Variants in COL27A1 observed in about 807,000 individuals in gnomAD.
COL27A1 encodes collagen type XXVII alpha 1 chain, also known as collagen alpha-1(XXVII) chain.
A neutral mutation model predicts 251.3 loss-of-function variants in COL27A1; 106 were observed. The observed-to-expected ratio is 0.42, with a 90% CI of 0.36 to 0.50. COL27A1 has a LOEUF of 0.50. COL27A1 is among the 20% of genes least tolerant of loss of function. The pLI is 0.00. For synonymous variants in COL27A1, 1,000 were observed against 986.3 expected (o/e 1.01, Z -0.26); for missense variants, 2,325 against 2,522.8 (o/e 0.92, Z 1.68).
intron 10 of COL27A1, among the ~76,000 whole-genome samples, chr9:114,207,348 A>C (rs953129436): frequency 3.9e-5 from 6 of 152,152 alleles, no homozygotes; most frequent in African/African-American, 1.4e-4. Context: ...TGTGACAGGC[A>C]GGGCCTAAGG....
intron 7 of COL27A1, 36 bp downstream of exon 7, chr9:114,196,048 G>A (rs1829100469): frequency 1.3e-6 from 2 of 1,590,590 alleles, no homozygotes; most frequent in African/African-American, 2.7e-5. Flanking sequence ...CTTGCGCAGT[G>A]GGCCTCCTAG....
chr9:114,267,005 G>T (rs1334640002), intron 33 of COL27A1, among the ~76,000 whole-genome samples: 1 of 152,174 alleles, frequency 6.6e-6, no homozygotes, highest in Non-Finnish European at 1.5e-5. Flanking sequence ...AACTTGGAAG[G>T]AGCCTCGCAC....
intron 5 of COL27A1, among the ~76,000 whole-genome samples, chr9:114,191,721 G>A (rs1828762021): frequency 6.6e-6 from 1 of 152,208 alleles, no homozygotes; most frequent in South Asian, 2.1e-4. Flanking sequence ...GTGCTGCAAT[G>A]AATATACAAG....
intron 27 of COL27A1, among the ~76,000 whole-genome samples, chr9:114,258,192 G>T (rs1588793535): frequency 6.6e-6 from 1 of 152,196 alleles, no homozygotes; most frequent in Non-Finnish European, 1.5e-5. Flanking sequence ...ATACATAAAT[G>T]AATGAATGAA....
At chr9:114,247,562 G>A (rs1401089343) in intron 24 of COL27A1, among the ~76,000 whole-genome samples, 1 of 152,222 alleles carries the variant, frequency 6.6e-6, no homozygotes, top group Non-Finnish European at 1.5e-5. Context: ...TCACCAAGTG[G>A]GATAGTGGTA....
At chr9:114,263,275 A>C (rs1313837468) in intron 28 of COL27A1, among the ~76,000 whole-genome samples, 1 of 151,904 alleles carries the variant, frequency 6.6e-6, no homozygotes, top group Non-Finnish European at 1.5e-5. Context: ...TTGATTTTTA[A>C]ATGATTTTTC....
At position 114,168,913 on chromosome 9, in the gene COL27A1, C is replaced by T; in HGVS notation, c.1358C>T (p.Pro453Leu). The T allele has an allele frequency of 6.2e-7, 1 of 1,614,120 alleles. No homozygotes were observed. The change falls in exon 3 of 61, where the codon CCC becomes CTC. Residue 453 changes from proline to leucine, a missense_variant. Around this residue, in one of 4 missense-constraint regions of COL27A1, gnomAD observed 1,183 missense variants for 1,144.1 expected, o/e 1.03. Coordinates refer to ENST00000356083, the MANE Select transcript of COL27A1 (RefSeq NM_032888.4). ...CCTACCACCAGCTCCTCTAAAAAAC[C>T]CATTCCCACACTAGCTCGGACTGAG... The part of the protein sequence containing the change: ...LPPTTSSSKK[P>L]IPTLARTEAK...
intron 41 of COL27A1, 76 bp from the exon 42 acceptor site, chr9:114,288,379 A>G: frequency 1.4e-6 from 2 of 1,469,790 alleles, no homozygotes; most frequent in Middle Eastern, 1.7e-4. Flanking sequence ...ATCTCTGACG[A>G]AGCGCTTTCC....
At chr9:114,288,595 A>G in intron 42 of COL27A1, 84 bp downstream of exon 42, 1 of 1,544,674 alleles carries the variant, frequency 6.5e-7, no homozygotes, top group East Asian at 2.3e-5. Context: ...TGGGCCGATC[A>G]GGGGCCAGGT....
chr9:114,258,679 C>G, intron 28 of COL27A1, 85 bp downstream of exon 28: 1 of 1,391,288 alleles, frequency 7.2e-7, no homozygotes, highest in Non-Finnish European at 1.0e-6. Flanking sequence ...ACTGCCTGGG[C>G]TTTGCCCCTA....
chr9:114,277,015 G>A (rs753401303), intron 37 of COL27A1, among the ~76,000 whole-genome samples: 15 of 152,212 alleles, frequency 9.9e-5, no homozygotes, highest in African/African-American at 3.6e-4. Flanking sequence ...ACTTAGGCCT[G>A]CATGACTCTA....
chr9:114,309,217 T>TG (rs774154118), intron 59 of COL27A1, 43 bp from the exon 60 acceptor site: 28 of 1,566,770 alleles, frequency 1.8e-5, no homozygotes, highest in South Asian at 2.2e-5. Context: ...GTGGGGGGTG[T>TG]GGGGGGCAGC....
intron 28 of COL27A1, among the ~76,000 whole-genome samples, chr9:114,260,706 G>A (rs996825905): frequency 1.3e-5 from 2 of 152,068 alleles, no homozygotes; most frequent in African/African-American, 4.8e-5. Flanking sequence ...TGGTGAGGAC[G>A]CTGACTAGAA....
At position 114,168,424 on chromosome 9, in the gene COL27A1, G is replaced by A; in HGVS notation, c.869G>A (p.Gly290Glu). ...CTGCCAGCAGGCAGGGGACCCAGGG[G>A]GACTGTGGCACCCGCCACGCCCACC... ...GSLPAGRGPRGTVAPATPTKP... is the reference protein window; with the variant it reads ...GSLPAGRGPRETVAPATPTKP... Residue 290 changes from glycine to glutamate, a missense_variant, in exon 3 of 61, where the codon GGG becomes GAG. Gly to Glu is a moderately conservative substitution (Grantham distance 98). Coordinates refer to ENST00000356083, the MANE Select transcript of COL27A1 (RefSeq NM_032888.4). 1 of 1,613,140 alleles carries A rather than the reference G, an allele frequency of 6.2e-7. No homozygotes were observed. Among genetic ancestry groups the A allele is most frequent in the Non-Finnish European group, 8.5e-7 (1 of 1,179,780 alleles).
At chr9:114,163,991 C>T (rs1864724) in intron 2 of COL27A1, among the ~76,000 whole-genome samples, 36,584 of 152,016 alleles carry the variant, frequency 0.24, 4,641 homozygotes, top group Middle Eastern at 0.37. Flanking sequence ...CATCTCTTCA[C>T]CCTTGATGGG....
chr9:114,179,268 C>T (rs145681275), intron 4 of COL27A1, among the ~76,000 whole-genome samples: 74 of 152,268 alleles, frequency 4.9e-4, no homozygotes, highest in Non-Finnish European at 8.2e-4. Context: ...CTCCCTGGGC[C>T]CAGGGCTCTG....
At chr9:114,200,070 G>A (rs1240301596) in intron 7 of COL27A1, among the ~76,000 whole-genome samples, 1 of 152,186 alleles carries the variant, frequency 6.6e-6, no homozygotes, top group Non-Finnish European at 1.5e-5. Context: ...AATAAAATGG[G>A]AGAGCACAGG....
intron 7 of COL27A1, among the ~76,000 whole-genome samples, chr9:114,196,516 C>T (rs985993327): frequency 9.9e-5 from 15 of 152,184 alleles, no homozygotes; most frequent in Non-Finnish European, 2.1e-4. Flanking sequence ...AGGGAGTGGA[C>T]CCTGGGGTCA....
rs368526681 is a variant in COL27A1, at chr9:114,231,104, T to C, written c.2492T>C (p.Ile831Thr). ...GGTGACTTAGGAGTGTTGGGTCCGA[T>C]TGGCTACCCGGGACCCAAGGGCATG... is the stretch of plus-strand genomic sequence containing the variant. ...LIGDLGVLGP[I>T]GYPGPKGMKG... Residue 831 changes from isoleucine (I) to threonine (T), a missense_variant, in exon 15 of 61, where the codon ATT becomes ACT. Ile to Thr is a moderately conservative substitution (Grantham distance 89). Coordinates refer to ENST00000356083, the MANE Select transcript of COL27A1 (RefSeq NM_032888.4). The C allele has an allele frequency of 4.3e-6, 7 of 1,613,470 alleles. No individual in the cohort carries two copies. The highest frequency in any genetic ancestry group is 1.7e-5 in the Admixed American group (1 of 59,974).
Sources: gnomAD v4.1 joint callset for allele counts (sites outside exome capture counted in the v4.1 genomes callset) on GRCh38, gnomAD v4.1.1 for gene constraint, gnomAD v4.1.1 regional missense constraint, MANE v1.5 for transcripts, NCBI Gene and HGNC (gene_info 2026-07-23, HGNC 2026-07-21) for gene names.